The following CARF variants were observed in gnomAD, a reference collection of about 807,000 sequenced individuals.
The protein encoded by CARF is calcium-responsive transcription factor.
A neutral mutation model predicts 82.0 loss-of-function variants in CARF; 57 were observed. The observed-to-expected ratio is 0.70, with a 90% confidence interval of 0.56 to 0.87. CARF has a LOEUF of 0.87. CARF is among the 40% of genes least tolerant of loss of function. CARF has a pLI of 0.00. For missense variants in CARF, 771 were observed against 855.8 expected (o/e 0.90, Z 1.24); for synonymous variants, 268 against 290.1 (o/e 0.92, Z 0.77).
At position 202,941,328 on chromosome 2, in the gene CARF, T is replaced by A. The variant is rs139195467; in HGVS notation, c.-43-532T>A. 4.5e-3 allele frequency among the ~76,000 whole-genome samples: 688 copies of A among 152,296 alleles called. 2 individuals carry two copies. Among genetic ancestry groups the A allele is most frequent in the South Asian group, 0.014 (69 of 4,828 alleles). On this transcript the variant is annotated intron_variant, in intron 3 of 16. Coordinates refer to ENST00000438828, the MANE Select transcript of CARF (RefSeq NM_024744.17). The stretch of plus-strand genomic sequence containing the variant: ...CCTAAGTGGCTCGGAGTTATTGGTA[T>A]ATATTTCTTCATTTTCTTTTTTAAA...
chr2:202,938,739 A>G (rs1455815183), intron 3 of CARF, among the ~76,000 whole-genome samples: 1 of 149,890 alleles, frequency 6.7e-6, no homozygotes, highest in Non-Finnish European at 1.5e-5. Flanking sequence ...GTTTATTGAT[A>G]GTTACTTTTC....
At chr2:202,980,528 T>G (rs567323414) in intron 14 of CARF, among the ~76,000 whole-genome samples, 1 of 147,954 alleles carries the variant, frequency 6.8e-6, no homozygotes, top group African/African-American at 2.5e-5. Context: ...GCTCCTTAGA[T>G]TTCACACTTC....
At chr2:202,930,722 T>G (rs1414058743) in intron 3 of CARF, among the ~76,000 whole-genome samples, 1 of 152,144 alleles carries the variant, frequency 6.6e-6, no homozygotes, top group Non-Finnish European at 1.5e-5. Flanking sequence ...CTTTTTATCA[T>G]TAGAATCTGT....
rs1170134138 is a variant in CARF, at chr2:202,924,424, C to T, written c.-44+9C>T. On this transcript the variant is annotated intron_variant, in intron 3 of 16. Coordinates refer to ENST00000438828, the MANE Select transcript of CARF (RefSeq NM_024744.17). ...TTGCTATCTGGTGTGAGGTAAGGGTCAAGGTTTATTGTTTTACATACGGCT... is the reference window on the plus strand; with the variant it reads ...TTGCTATCTGGTGTGAGGTAAGGGTTAAGGTTTATTGTTTTACATACGGCT... 1.3e-5 allele frequency: 2 copies of T among 152,140 alleles called. No homozygotes were observed. The highest frequency in any genetic ancestry group is 1.9e-4 in the East Asian group (1 of 5,198). 9.4% of individuals were successfully genotyped at this position (152,140 alleles called of 1,614,324 possible). A position where few individuals can be genotyped will look rare whatever the true frequency, so the allele number is the denominator to read the frequency against.
intron 3 of CARF, among the ~76,000 whole-genome samples, chr2:202,935,853 G>T (rs1371802386): frequency 6.6e-6 from 1 of 152,082 alleles, no homozygotes; most frequent in Non-Finnish European, 1.5e-5. Flanking sequence ...GTCTCACTCT[G>T]TTGCACACGC....
intron 6 of CARF, among the ~76,000 whole-genome samples, chr2:202,953,498 G>GTTTTTTTTTT (rs67855316): frequency 5.0e-4 from 35 of 70,292 alleles, no homozygotes; most frequent in Admixed American, 7.3e-4. Flanking sequence ...TTTTTTTGTT[G>GTTTTTTTTTT]TTTTTTTTTT....
intron 5 of CARF, among the ~76,000 whole-genome samples, chr2:202,945,686 C>G (rs947716818): frequency 2.6e-5 from 4 of 152,148 alleles, no homozygotes; most frequent in African/African-American, 9.7e-5. Context: ...TGTATATGTA[C>G]CACATTTTCT....
intron 5 of CARF, among the ~76,000 whole-genome samples, chr2:202,950,076 G>A (rs765863958): frequency 1.3e-5 from 2 of 152,174 alleles, no homozygotes; most frequent in African/African-American, 4.8e-5. Flanking sequence ...TCAAAACCAT[G>A]TTTGCTTTCA....
rs1488465064 is a variant in CARF at position 202,986,951 on chromosome 2, A to AT, written c.*3329dup. 1 of 106,564 alleles carries AT rather than the reference A, an allele frequency of 9.4e-6. No individual in the cohort carries two copies. Among genetic ancestry groups the AT allele is most frequent in the Non-Finnish European group, 2.1e-5 (1 of 48,656 alleles). The allele number at this position is 106,564 out of a possible 1,614,324, so 6.6% of individuals were successfully genotyped here. On this transcript the variant is annotated 3_prime_UTR_variant, in exon 17 of 17. Transcript: ENST00000438828. ...GTCCTTGTTACCATGTATTTTTTTC[A>AT]TTAAAAATCCTGCTTTTTTTTTATA...
intron 10 of CARF, among the ~76,000 whole-genome samples, chr2:202,968,919 G>T (rs1559263936): frequency 6.6e-6 from 1 of 152,122 alleles, no homozygotes; most frequent in African/African-American, 2.4e-5. Context: ...ATTTAAACTG[G>T]ATGTTGAAGT....
chr2:202,953,496 TTG>T, intron 6 of CARF, among the ~76,000 whole-genome samples: 5 of 80,684 alleles, frequency 6.2e-5, no homozygotes, highest in African/African-American at 2.7e-4. Flanking sequence ...TCTTTTTTTG[TTG>T]TTTTTTTTTT....
Position 202,942,868 on chromosome 2 carries a change from GAC to G in CARF, c.211_212del (p.Gln71AspfsTer20), listed in dbSNP as rs773705443. ...AGAATATACCAGGGCCCCTGACTCA[GAC>G]ACAGACTCTTTCTGCAGAGCAATTC... is the stretch of plus-strand genomic sequence containing the variant. Reference protein sequence around the residue: ...SQNIPGPLTQTQTLSAEQFHL... With the variant: ...SQNIPGPLTQXQTLSAEQFHL... On this transcript the variant is annotated frameshift_variant, in exon 5 of 17. Transcript: ENST00000438828. LOFTEE classifies it high-confidence loss of function. The G allele has an allele frequency of 6.2e-7, 1 of 1,614,050 alleles. No individual in the cohort carries two copies. The highest frequency in any genetic ancestry group is 1.7e-5 in the Admixed American group (1 of 60,014).
At chr2:202,918,101 C>A (rs1307705194) in intron 2 of CARF, 58 bp downstream of exon 2, 6 of 428,102 alleles carry the variant, frequency 1.4e-5, no homozygotes, top group Non-Finnish European at 2.8e-5. Flanking sequence ...TAACTATTAT[C>A]TATTACATGT....
intron 3 of CARF, among the ~76,000 whole-genome samples, chr2:202,933,710 G>T (rs1336797755): frequency 6.6e-6 from 1 of 152,068 alleles, no homozygotes; most frequent in South Asian, 2.1e-4. Flanking sequence ...GATTGTCTTT[G>T]TGGGGGAAAT....
Position 202,955,688 on chromosome 2 carries a change from C to A in CARF, c.572C>A (p.Pro191His), listed in dbSNP as rs1349967791. The A allele has an allele frequency of 6.2e-7, 1 of 1,605,264 alleles. No individual in the cohort carries two copies. The highest frequency in any genetic ancestry group is 1.7e-5 in the Admixed American group (1 of 59,074). The change falls in exon 8 of 17, where the codon CCC (proline) becomes CAC (histidine). Residue 191 changes from proline to histidine, a missense_variant. Coordinates refer to ENST00000438828, the MANE Select transcript of CARF (RefSeq NM_024744.17). Reference protein sequence around the residue: ...KKSVTGMLEEPLLGPLQPLSS... With the variant: ...KKSVTGMLEEHLLGPLQPLSS... ...TCCTATCCCAGAATGCTGGAAGAAC[C>A]CCTTCTGGGGCCTCTTCAGCCACTT... is the stretch of plus-strand genomic sequence containing the variant.
At chr2:202,968,453 C>T (rs187526577) in intron 10 of CARF, among the ~76,000 whole-genome samples, 51 of 152,072 alleles carry the variant, frequency 3.4e-4, no homozygotes, top group Admixed American at 1.2e-3. Context: ...GTTTTTAAAG[C>T]CCATTTACAA....
chr2:202,961,156 AT>A lies in CARF; in HGVS notation c.643-77del, dbSNP rs1316962710. On this transcript the variant is annotated intron_variant, in intron 8 of 16. Transcript: ENST00000438828. ...TCTTGTGAAAGGTGATGAGTCTTCCATTTTGGACAACCATCTCATTACATTT... is the reference window on the plus strand; with the variant it reads ...TCTTGTGAAAGGTGATGAGTCTTCCATTTGGACAACCATCTCATTACATTT... 49 of 1,164,544 alleles carry A rather than the reference AT, an allele frequency of 4.2e-5. No individual in the cohort carries two copies. The Admixed American group carries it at 7.4e-4, about 18-fold the overall frequency. 72.1% of individuals were successfully genotyped at this position (1,164,544 alleles called of 1,614,324 possible). A position where few individuals can be genotyped will look rare whatever the true frequency, so the allele number is the denominator to read the frequency against.
intron 8 of CARF, among the ~76,000 whole-genome samples, chr2:202,959,116 A>G (rs1347162700): frequency 6.6e-6 from 1 of 152,072 alleles, no homozygotes; most frequent in Non-Finnish European, 1.5e-5. Flanking sequence ...TTATAAGTAT[A>G]TATAGTTCTG....
Position 202,954,084 on chromosome 2 carries a change from C to T in CARF, c.507C>T (p.Tyr169=). ...VDTLADNTSN[Y]ILHPQTSFPL... is the part of the protein sequence containing the mutation. ...CTCTAGCAGACAATACCAGCAATTA[C>T]ATTCTTCATCCTCAAACATCCTTCC... Residue 169 remains tyrosine (Y), a synonymous_variant, in exon 7 of 17, where the codon TAC becomes TAT. Coordinates refer to ENST00000438828, the MANE Select transcript of CARF (RefSeq NM_024744.17). 1 of 1,613,646 alleles carries T rather than the reference C, an allele frequency of 6.2e-7. No homozygotes were observed. Among genetic ancestry groups the T allele is most frequent in the Non-Finnish European group, 8.5e-7 (1 of 1,179,798 alleles).
Sources: allele counts gnomAD v4.1 joint callset (sites outside exome capture counted in the v4.1 genomes callset), GRCh38; gene constraint gnomAD v4.1.1; transcripts MANE v1.5; gene names NCBI Gene and HGNC (gene_info 2026-07-23, HGNC 2026-07-21).